The following SNAP91 variants were observed in gnomAD, a reference collection of about 807,000 sequenced individuals.
SNAP91 encodes the protein synaptosome associated protein 91.
Under a neutral mutation model 100.3 loss-of-function variants are expected in SNAP91, and 27 were observed. That is an observed-to-expected ratio of 0.27 (90% CI 0.20 to 0.37). The LOEUF (loss-of-function observed/expected upper bound fraction) is 0.37, where lower values mean the gene tolerates loss of function less well. Ranked by LOEUF, SNAP91 falls within the 10% of genes least tolerant of loss-of-function variation. The pLI is 1.00. For synonymous variants in SNAP91, 404 were observed against 398.6 expected, an observed-to-expected ratio of 1.01 and a Z score of -0.16; for missense variants, 986 against 1,123.7, an observed-to-expected ratio of 0.88 and a Z score of 1.75.
chr6:83,658,931 C>T (rs2098470757), intron 6 of SNAP91, 68 bp downstream of exon 6: 12 of 1,184,682 alleles, frequency 1.0e-5, no homozygotes, highest in Non-Finnish European at 2.4e-6. Context: ...TTGGATTTAC[C>T]TGTAGCCCAT....
At chr6:83,636,987 T>C (rs1477517531) in intron 8 of SNAP91, among the ~76,000 whole-genome samples, 1 of 152,218 alleles carries the variant, frequency 6.6e-6, no homozygotes, top group East Asian at 1.9e-4. Flanking sequence ...TTCAGAGGTG[T>C]TGCACGGTGA....
intron 14 of SNAP91, 94 bp downstream of exon 14, chr6:83,605,591 A>G: frequency 6.8e-7 from 1 of 1,468,782 alleles, no homozygotes; most frequent in East Asian, 2.5e-5. Flanking sequence ...ACCATTTTAG[A>G]TAATCAAAAG....
chr6:83,665,378 A>G (rs776521838), intron 3 of SNAP91, 61 bp downstream of exon 3: 20 of 1,516,680 alleles, frequency 1.3e-5, no homozygotes, highest in Non-Finnish European at 1.8e-5. Flanking sequence ...TTAAATCATC[A>G]CCATGCTCTT....
At chr6:83,660,739 T>C (rs1360230706) in intron 5 of SNAP91, among the ~76,000 whole-genome samples, 1 of 151,426 alleles carries the variant, frequency 6.6e-6, no homozygotes, top group African/African-American at 2.4e-5. Context: ...TTCACCTCAA[T>C]TAAAAAAAAA....
At chr6:83,579,272 G>T (rs1260582777) in intron 24 of SNAP91, among the ~76,000 whole-genome samples, 2 of 152,182 alleles carry the variant, frequency 1.3e-5, no homozygotes, top group Non-Finnish European at 2.9e-5. Context: ...TGAGGGCTGT[G>T]TGTTGGTGGC....
At chr6:83,593,394 A>G in intron 18 of SNAP91, 84 bp downstream of exon 18, 3 of 1,523,302 alleles carry the variant, frequency 2.0e-6, no homozygotes, top group Non-Finnish European at 2.7e-6. Flanking sequence ...CCATTTAATT[A>G]CACAGTCTTC....
intron 22 of SNAP91, among the ~76,000 whole-genome samples, chr6:83,582,581 C>A (rs1830058567): frequency 1.3e-5 from 2 of 152,094 alleles, no homozygotes; most frequent in East Asian, 1.9e-4. Flanking sequence ...TAAGATAACA[C>A]ACAAGTATAA....
intron 9 of SNAP91, among the ~76,000 whole-genome samples, chr6:83,618,620 T>C (rs1161879278): frequency 6.6e-6 from 1 of 151,850 alleles, no homozygotes; most frequent in Non-Finnish European, 1.5e-5. Context: ...AATAAAAAAA[T>C]AAATGGCTTC....
intron 2 of SNAP91, among the ~76,000 whole-genome samples, chr6:83,666,545 T>TC (rs1247835537): frequency 1.3e-5 from 2 of 152,094 alleles, no homozygotes; most frequent in Non-Finnish European, 2.9e-5. Context: ...CATGTATTCT[T>TC]CTTACTCCAA....
intron 2 of SNAP91, among the ~76,000 whole-genome samples, chr6:83,704,181 C>T (rs1166828252): frequency 6.6e-6 from 1 of 152,158 alleles, no homozygotes; most frequent in Non-Finnish European, 1.5e-5. Context: ...GGTAAATACT[C>T]ATTGAGTCCT....
intron 17 of SNAP91, 45 bp from the exon 18 acceptor site, chr6:83,593,786 A>C: frequency 6.6e-7 from 1 of 1,519,480 alleles, no homozygotes; most frequent in Non-Finnish European, 8.8e-7. Context: ...CAGTAAGGAA[A>C]GAGACAAGAG....
Position 83,666,028 on chromosome 6 carries a change from A to C in SNAP91, c.131-447T>G, listed in dbSNP as rs146656616. Among the ~76,000 whole-genome samples, 864 of 152,244 alleles carry C rather than the reference A, an allele frequency of 5.7e-3. 5 individuals are homozygous for C. The highest frequency in any genetic ancestry group is 9.6e-3 in the Non-Finnish European group (653 of 67,990). On this transcript the variant is annotated intron_variant, in intron 2 of 29. Coordinates refer to ENST00000369694, the MANE Select transcript of SNAP91 (RefSeq NM_001242792.2). ...ACAGCTAAAAGCATATCTCATTTGCATTTGAACTTTGAAAGGTGCTAGTAA... is the reference window on the plus strand; with the variant it reads ...ACAGCTAAAAGCATATCTCATTTGCCTTTGAACTTTGAAAGGTGCTAGTAA...
At chr6:83,679,157 A>G (rs2098952236) in intron 2 of SNAP91, among the ~76,000 whole-genome samples, 2 of 152,170 alleles carry the variant, frequency 1.3e-5, no homozygotes, top group Admixed American at 1.3e-4. Flanking sequence ...TAATCCAGGG[A>G]TGACTTAAAG....
chr6:83,707,365 C>CT (rs2099394488), intron 2 of SNAP91, among the ~76,000 whole-genome samples: 1 of 151,584 alleles, frequency 6.6e-6, no homozygotes, highest in Non-Finnish European at 1.5e-5. Flanking sequence ...TAGGAAAGAA[C>CT]TAGGGTGACA....
chr6:83,675,739 G>A (rs1221564280), intron 2 of SNAP91, among the ~76,000 whole-genome samples: 1 of 151,522 alleles, frequency 6.6e-6, no homozygotes, highest in Non-Finnish European at 1.5e-5. Flanking sequence ...CCGTAAGGGA[G>A]ATAATAATAG....
intron 2 of SNAP91, among the ~76,000 whole-genome samples, chr6:83,697,212 G>A (rs1042453976): frequency 2.6e-5 from 4 of 151,654 alleles, no homozygotes; most frequent in Non-Finnish European, 5.9e-5. Context: ...TTTTGAAATT[G>A]TTTTTCTTTT....
intron 10 of SNAP91, 118 bp from the exon 11 acceptor site, chr6:83,614,980 T>A: frequency 2.8e-6 from 2 of 723,082 alleles, no homozygotes; most frequent in Non-Finnish European, 4.5e-6. Flanking sequence ...TTTTAGCCAA[T>A]TCAGAAGAGA....
Position 83,556,340 on chromosome 6 carries a change from GGGGAGAGA to G in SNAP91, c.2632-103_2632-96del, listed in dbSNP as rs879048438. 41 of 47,554 alleles carry G rather than the reference GGGGAGAGA, an allele frequency of 8.6e-4. 1 individual carries two copies. Among genetic ancestry groups the G allele is most frequent in the Admixed American group, 5.7e-3 (17 of 3,004 alleles). 2.9% of individuals were successfully genotyped at this position (47,554 alleles called of 1,614,324 possible). On this transcript the variant is annotated intron_variant, in intron 28 of 29. Coordinates refer to ENST00000369694, the MANE Select transcript of SNAP91 (RefSeq NM_001242792.2). ...AGGGGGCAGGGGGAGAGAGGGAGAGGGGGAGAGAGAGAGAGAGAGAGAGAGAGAGAGAG... is the reference window on the plus strand; with the variant it reads ...AGGGGGCAGGGGGAGAGAGGGAGAGGGAGAGAGAGAGAGAGAGAGAGAGAG...
chr6:83,596,538 G>T (rs544231326), intron 16 of SNAP91, among the ~76,000 whole-genome samples: 129 of 152,002 alleles, frequency 8.5e-4, no homozygotes, highest in African/African-American at 2.9e-3. Flanking sequence ...CATATATATT[G>T]CCATTATTAA....
Sources: gnomAD v4.1 joint callset for allele counts (sites outside exome capture counted in the v4.1 genomes callset) on GRCh38, gnomAD v4.1.1 for gene constraint, MANE v1.5 for transcripts, NCBI Gene and HGNC (gene_info 2026-07-23, HGNC 2026-07-21) for gene names.